The following MYO18A variants were observed in gnomAD, a reference collection of about 807,000 sequenced individuals.
The protein encoded by MYO18A is unconventional myosin-XVIIIa.
Under a neutral mutation model 235.8 loss-of-function variants are expected in MYO18A, and 78 were observed. The ratio of observed to expected loss-of-function variants is 0.33; its 90% CI spans 0.28 to 0.40. MYO18A has a LOEUF of 0.40. Ranked by LOEUF, MYO18A falls within the 10% of genes least tolerant of loss-of-function variation. MYO18A has a pLI of 1.00. For missense variants in MYO18A, 2,215 were observed against 2,699.3 expected (o/e 0.82, Z 3.98); for synonymous variants, 977 against 1,077.8 (o/e 0.91, Z 1.83).
chr17:29,132,761 G>A (rs959718725), intron 2 of MYO18A, among the ~76,000 whole-genome samples: 2 of 152,212 alleles, frequency 1.3e-5, no homozygotes, highest in South Asian at 2.1e-4. Flanking sequence ...TGCCAAGGAC[G>A]AGGGGAAATG....
chr17:29,123,661 C>G (rs990699705), intron 2 of MYO18A, among the ~76,000 whole-genome samples: 33 of 152,308 alleles, frequency 2.2e-4, no homozygotes, highest in African/African-American at 7.9e-4. Flanking sequence ...TGAAATAACT[C>G]TGAATAGGAG....
chr17:29,080,330 G>A, intron 41 of MYO18A: 1 of 986,168 alleles, frequency 1.0e-6, no homozygotes, highest in East Asian at 1.1e-4. Flanking sequence ...GAGCTGGGAG[G>A]CTCATCCACT....
chr17:29,149,650 G>T (rs1165731527), intron 2 of MYO18A, among the ~76,000 whole-genome samples: 1 of 152,262 alleles, frequency 6.6e-6, no homozygotes, highest in Non-Finnish European at 1.5e-5. Flanking sequence ...ATATGCGGCC[G>T]ACTGCAGGGA....
chr17:29,146,691 G>T (rs2067856030), intron 2 of MYO18A, among the ~76,000 whole-genome samples: 1 of 152,220 alleles, frequency 6.6e-6, no homozygotes, highest in African/African-American at 2.4e-5. Flanking sequence ...GTGACATTTT[G>T]CCATTACTTG....
In MYO18A at chr17:29,106,750, C is replaced by G. The variant is rs2066796188; in HGVS notation, c.3441+330G>C. On this transcript the variant is annotated intron_variant, in intron 20 of 41. Coordinates refer to ENST00000527372, the MANE Select transcript of MYO18A (RefSeq NM_078471.4). The surrounding 1 kb of genome is among the most constrained non-coding windows in gnomAD (Gnocchi z 4.6). ...AGCTTCCTGCTTCAGGAACCAATCC[C>G]TGACATGGGGGCCCAGGTGCCATCG... Among the ~76,000 whole-genome samples, 1 of 152,240 alleles carries G rather than the reference C, an allele frequency of 6.6e-6. No individual in the cohort carries two copies. The highest frequency in any genetic ancestry group is 6.5e-5 in the Admixed American group (1 of 15,292).
chr17:29,092,677 G>T (rs12602934), intron 33 of MYO18A, among the ~76,000 whole-genome samples, 178 bp downstream of exon 33: 1 of 152,008 alleles, frequency 6.6e-6, no homozygotes, highest in Non-Finnish European at 1.5e-5. Flanking sequence ...GCTGGGCGGT[G>T]AGACAGTAAG....
intron 2 of MYO18A, among the ~76,000 whole-genome samples, chr17:29,127,626 G>A (rs72817614): frequency 0.027 from 4,123 of 152,372 alleles, 75 homozygotes; most frequent in Non-Finnish European, 0.035. Context: ...ATGCTGCTTA[G>A]CAGTTTCCAT....
intron 18 of MYO18A, 99 bp from the exon 19 acceptor site, chr17:29,110,200 C>G (rs545087026): frequency 6.7e-7 from 1 of 1,484,698 alleles, no homozygotes; most frequent in Non-Finnish European, 9.1e-7. Context: ...AGGGTAGCAG[C>G]GGCCCCAGCA....
Position 29,121,433 on chromosome 17 carries a change from A to G in MYO18A, c.1371+114T>C. The G allele has an allele frequency of 1.6e-6, 2 of 1,235,936 alleles. No individual in the cohort carries two copies. Among genetic ancestry groups the G allele is most frequent in the Non-Finnish European group, 1.1e-6 (1 of 899,224 alleles). 76.6% of individuals were successfully genotyped at this position (1,235,936 alleles called of 1,614,324 possible). On this transcript the variant is annotated intron_variant, in intron 5 of 41. Coordinates refer to ENST00000527372, the MANE Select transcript of MYO18A (RefSeq NM_078471.4). This position sits in a 1 kb window ranked among gnomAD's most constrained non-coding sequence, Gnocchi z 4.2. Reference sequence around the variant, plus strand: ...ATCTCTTGAAATGACTCCTCTTCCCAAGGTCAACTGTGAGAGTGGACAGGA... The same window carrying G: ...ATCTCTTGAAATGACTCCTCTTCCCGAGGTCAACTGTGAGAGTGGACAGGA...
At chr17:29,102,071 A>G (rs573884240) in intron 21 of MYO18A, among the ~76,000 whole-genome samples, 1 of 152,262 alleles carries the variant, frequency 6.6e-6, no homozygotes, top group African/African-American at 2.4e-5. Context: ...GACGACCTGA[A>G]CTTTCTTTCC....
rs1357664695 is a variant in MYO18A, at chr17:29,114,111, C to A, written c.2512-14G>T. 3.8e-6 allele frequency: 6 copies of A among 1,579,712 alleles called. No individual in the cohort carries two copies. Among genetic ancestry groups the A allele is most frequent in the Non-Finnish European group, 2.6e-6 (3 of 1,161,922 alleles). On this transcript the variant is annotated splice_polypyrimidine_tract_variant and intron_variant, in intron 14 of 41. Coordinates refer to ENST00000527372, the MANE Select transcript of MYO18A (RefSeq NM_078471.4). ...CTCGATGTTCTCCTGGGAAAGAAGG[C>A]CGAGCGGTAGTGAGCATGGGGGTCA...
intron 2 of MYO18A, among the ~76,000 whole-genome samples, chr17:29,138,130 G>C (rs2067649525): frequency 1.3e-5 from 2 of 152,116 alleles, no homozygotes; most frequent in African/African-American, 4.8e-5. Context: ...AGGGAATGGG[G>C]GCACAAATGC....
intron 34 of MYO18A, chr17:29,091,933 T>C (rs561502928): frequency 5.2e-5 from 17 of 329,186 alleles, no homozygotes; most frequent in South Asian, 4.0e-4. Flanking sequence ...TAGCTGCCGC[T>C]TGGGCTTGTC....
chr17:29,115,133 G>A, intron 13 of MYO18A, 34 bp from the exon 14 acceptor site: 1 of 1,578,240 alleles, frequency 6.3e-7, no homozygotes, highest in Non-Finnish European at 8.6e-7. Context: ...GAGCCTCGCT[G>A]GTTGGCCCCG....
rs1248683161 is a variant in MYO18A at position 29,158,148 on chromosome 17, T to C, written c.999+7794A>G. ...CACCACCTAGGGCACGTGTCTACAC[T>C]ATGCACCATACTGAGCGCCACAGAT... On this transcript the variant is annotated intron_variant, in intron 2 of 41. Transcript: ENST00000527372. This position sits in a 1 kb window ranked among gnomAD's most constrained non-coding sequence, Gnocchi z 4.3. Among the ~76,000 whole-genome samples the C allele has an allele frequency of 6.6e-6, 1 of 152,098 alleles. No individual in the cohort carries two copies. Among genetic ancestry groups the C allele is most frequent in the Non-Finnish European group, 1.5e-5 (1 of 68,024 alleles).
At chr17:29,104,407 A>G (rs7212295) in intron 20 of MYO18A, among the ~76,000 whole-genome samples, 92,789 of 152,088 alleles carry the variant, frequency 0.61, 30,156 homozygotes, top group East Asian at 0.89. Flanking sequence ...TGAGATTTCC[A>G]ATTTACGTAA....
intron 41 of MYO18A, chr17:29,079,966 C>G (rs1013240465): frequency 1.0e-6 from 1 of 986,038 alleles, no homozygotes; most frequent in Non-Finnish European, 1.2e-6. Flanking sequence ...GGACTTCTTG[C>G]TCTTCCGAGA....
chr17:29,092,501 C>T, intron 33 of MYO18A, 45 bp from the exon 34 acceptor site: 2 of 1,507,508 alleles, frequency 1.3e-6, no homozygotes, highest in Non-Finnish European at 1.8e-6. Flanking sequence ...GTCAGCCATT[C>T]CTTGGGGGCA....
At chr17:29,163,706 A>G (rs952970308) in intron 2 of MYO18A, among the ~76,000 whole-genome samples, 1 of 152,238 alleles carries the variant, frequency 6.6e-6, no homozygotes, top group Admixed American at 6.5e-5. Context: ...CCTGTGCTAT[A>G]AAGAGAAAAC....
Sources: allele counts gnomAD v4.1 joint callset (sites outside exome capture counted in the v4.1 genomes callset), GRCh38; gene constraint gnomAD v4.1.1; non-coding constraint Gnocchi (gnomAD v3.1); transcripts MANE v1.5; gene names NCBI Gene and HGNC (gene_info 2026-07-23, HGNC 2026-07-21).